GUCY1A1: variants seen among roughly 807,000 people sequenced by gnomAD.
GUCY1A1 encodes guanylate cyclase soluble subunit alpha-1.
In GUCY1A1, 48 loss-of-function variants were observed where a neutral mutation model predicts 64.5. That is an observed-to-expected ratio of 0.74 (90% CI 0.59 to 0.95). The LOEUF is 0.95. Among genes scored for constraint, GUCY1A1 ranks in the 40% least tolerant of loss-of-function variants. The pLI, the probability that GUCY1A1 is intolerant of heterozygous loss-of-function variation, is 0.00. For missense variants in GUCY1A1, 804 were observed against 825.3 expected (o/e 0.97, Z 0.32); for synonymous variants, 308 against 303.4 (o/e 1.02, Z -0.16).
intron 9 of GUCY1A1, among the ~76,000 whole-genome samples, chr4:155,729,144 A>G (rs1280478712): frequency 6.6e-6 from 1 of 151,808 alleles, no homozygotes; most frequent in Non-Finnish European, 1.5e-5. Context: ...GACATTACAG[A>G]CTAGTGAGTA....
At chr4:155,679,476 C>T (rs1735415918) in intron 2 of GUCY1A1, among the ~76,000 whole-genome samples, 1 of 152,154 alleles carries the variant, frequency 6.6e-6, no homozygotes, top group South Asian at 2.1e-4. Flanking sequence ...GGGGAGCCAG[C>T]GTGTGCAGAG....
intron 5 of GUCY1A1, 96 bp downstream of exon 5, chr4:155,708,390 C>T: frequency 1.4e-6 from 1 of 697,598 alleles, no homozygotes. Context: ...TGGTGACTCC[C>T]AGTATGAAGT....
intron 2 of GUCY1A1, among the ~76,000 whole-genome samples, chr4:155,696,453 A>G (rs1730422461): frequency 1.3e-5 from 2 of 152,098 alleles, no homozygotes; most frequent in Admixed American, 6.5e-5. Flanking sequence ...TGTGAAATCA[A>G]ACTGGACCAG....
chr4:155,685,318 G>A (rs1254961970), intron 2 of GUCY1A1, among the ~76,000 whole-genome samples: 2 of 152,164 alleles, frequency 1.3e-5, no homozygotes, highest in African/African-American at 4.8e-5. Flanking sequence ...GCTACTTAAG[G>A]CTTTGCCAGT....
At chr4:155,712,790 G>C (rs1412644649) in intron 6 of GUCY1A1, among the ~76,000 whole-genome samples, 4 of 152,186 alleles carry the variant, frequency 2.6e-5, no homozygotes, top group Non-Finnish European at 5.9e-5. Context: ...AATCAAGTGA[G>C]ACCATTAAGA....
At chr4:155,721,697 G>A (rs995134672) in intron 8 of GUCY1A1, among the ~76,000 whole-genome samples, 12 of 152,094 alleles carry the variant, frequency 7.9e-5, no homozygotes, top group Non-Finnish European at 1.5e-4. Flanking sequence ...ATGAGAGGTG[G>A]CAGTTTCACA....
rs750581950 is a variant in GUCY1A1 at position 155,713,550 on chromosome 4, C to T, written c.1539C>T (p.Phe513=). ...ITMLNALYTR[F]DQQCGELDVY... Reference sequence around the variant, plus strand: ...TGCTCAATGCACTGTACACTCGCTTCGACCAGCAGTGTGGAGAGCTGGATG... The same window carrying T: ...TGCTCAATGCACTGTACACTCGCTTTGACCAGCAGTGTGGAGAGCTGGATG... The change falls in exon 7 of 10, where the codon TTC becomes TTT. Residue 513 remains phenylalanine (F), a synonymous_variant. Transcript: ENST00000506455. 1.7e-5 allele frequency: 28 copies of T among 1,613,636 alleles called. 1 individual carries two copies. The highest frequency in any genetic ancestry group is 1.7e-4 in the Admixed American group (10 of 59,994).
At position 155,734,291 on chromosome 4, in the gene GUCY1A1, G is replaced by A. The variant is rs538864736; in HGVS notation, c.*4060G>A. On this transcript the variant is annotated 3_prime_UTR_variant, in exon 10 of 10. Coordinates refer to ENST00000506455, the MANE Select transcript of GUCY1A1 (RefSeq NM_001130682.3). ...GCCCAGATGGAGCTTTACATGCAAA[G>A]CTCCAGTGAAGTCTAGTGCTGTATA... is the stretch of plus-strand genomic sequence containing the variant. Among the ~76,000 whole-genome samples, 2 of 151,908 alleles carry A rather than the reference G, an allele frequency of 1.3e-5. No homozygotes were observed. The highest frequency in any genetic ancestry group is 4.8e-5 in the African/African-American group (2 of 41,390).
At chr4:155,675,871 A>G (rs548179518) in intron 2 of GUCY1A1, among the ~76,000 whole-genome samples, 32 of 151,524 alleles carry the variant, frequency 2.1e-4, no homozygotes, top group Non-Finnish European at 3.5e-4. Flanking sequence ...CTATGGCTTT[A>G]TGGCTTGCCT....
chr4:155,696,754 A>T lies in GUCY1A1; in HGVS notation c.-112-2A>T. On this transcript the variant is annotated splice_acceptor_variant, in intron 2 of 9. Coordinates refer to ENST00000506455, the MANE Select transcript of GUCY1A1 (RefSeq NM_001130682.3). LOFTEE classifies it low-confidence loss of function (5UTR_SPLICE). Reference sequence around the variant, plus strand: ...TCTGTTCTGACTTTTTGCTGTCCATAGACATCCCAGTTACCAGTGTCCTTG... The same window carrying T: ...TCTGTTCTGACTTTTTGCTGTCCATTGACATCCCAGTTACCAGTGTCCTTG... 1 of 937,892 alleles carries T rather than the reference A, an allele frequency of 1.1e-6. No individual in the cohort carries two copies. Among genetic ancestry groups the T allele is most frequent in the Non-Finnish European group, 1.6e-6 (1 of 610,014 alleles). The allele number at this position is 937,892 out of a possible 1,614,324, so 58.1% of individuals were successfully genotyped here.
chr4:155,670,937 C>T (rs115569150), intron 2 of GUCY1A1, among the ~76,000 whole-genome samples: 19 of 152,246 alleles, frequency 1.2e-4, no homozygotes, highest in African/African-American at 4.6e-4. Context: ...TTAATCCTGA[C>T]CTTTTTTTCT....
At chr4:155,687,680 G>A (rs62327005) in intron 2 of GUCY1A1, among the ~76,000 whole-genome samples, 11,834 of 152,108 alleles carry the variant, frequency 0.078, 575 homozygotes, top group Middle Eastern at 0.13. Flanking sequence ...TTTTTCAGAT[G>A]GAGAAAATTG....
intron 9 of GUCY1A1, among the ~76,000 whole-genome samples, chr4:155,724,052 G>C (rs1734337925): frequency 1.3e-5 from 2 of 152,074 alleles, no homozygotes; most frequent in African/African-American, 4.8e-5. Context: ...CAGAATAGAA[G>C]TCAGACAGGA....
At chr4:155,690,435 A>G (rs754047003) in intron 2 of GUCY1A1, among the ~76,000 whole-genome samples, 2 of 152,160 alleles carry the variant, frequency 1.3e-5, no homozygotes, top group Non-Finnish European at 2.9e-5. Context: ...TAATCTTCTA[A>G]AAATGCAGTC....
chr4:155,691,593 T>G (rs1006055180), intron 2 of GUCY1A1, among the ~76,000 whole-genome samples: 5 of 152,182 alleles, frequency 3.3e-5, no homozygotes, highest in Non-Finnish European at 5.9e-5. Flanking sequence ...AGTTTTCTCC[T>G]CCTTTTGGCT....
chr4:155,694,606 G>A (rs1730189051), intron 2 of GUCY1A1, among the ~76,000 whole-genome samples: 1 of 152,148 alleles, frequency 6.6e-6, no homozygotes, highest in South Asian at 2.1e-4. Context: ...TACAAACAAG[G>A]TTGTATTGGA....
chr4:155,714,274 A>G (rs955575291), intron 7 of GUCY1A1, among the ~76,000 whole-genome samples: 2 of 152,216 alleles, frequency 1.3e-5, no homozygotes, highest in Non-Finnish European at 2.9e-5. Context: ...TCACTCACAG[A>G]GTTTATATGC....
At chr4:155,702,128 T>TCA (rs1579064036) in intron 3 of GUCY1A1, among the ~76,000 whole-genome samples, 2 of 152,282 alleles carry the variant, frequency 1.3e-5, no homozygotes, top group East Asian at 3.9e-4. Context: ...CTCTGCCCTT[T>TCA]TGGAGCTTCT....
At chr4:155,724,782 C>A (rs958580164) in intron 9 of GUCY1A1, among the ~76,000 whole-genome samples, 1 of 152,060 alleles carries the variant, frequency 6.6e-6, no homozygotes, top group Non-Finnish European at 1.5e-5. Context: ...AAATCTTTCG[C>A]CCATCCTGTG....
Sources: allele counts gnomAD v4.1 joint callset (sites outside exome capture counted in the v4.1 genomes callset), GRCh38; gene constraint gnomAD v4.1.1; transcripts MANE v1.5; gene names NCBI Gene and HGNC (gene_info 2026-07-23, HGNC 2026-07-21).